CHODL: variants seen among roughly 807,000 people sequenced by gnomAD.
The protein encoded by CHODL is transmembrane protein MT75.
A neutral mutation model predicts 34.5 loss-of-function variants in CHODL; 29 were observed. That is an observed-to-expected ratio of 0.84 (90% CI 0.63 to 1.15). CHODL has a LOEUF of 1.15. Among genes scored for constraint, CHODL ranks in the 50% most tolerant of loss-of-function variants. The probability of loss-of-function intolerance (pLI) is 0.00; values close to 1 mark genes in which losing one functional copy is unlikely to be tolerated. For synonymous variants in CHODL, 125 were observed against 116.1 expected (o/e 1.08, Z -0.49); for missense variants, 332 against 332.5 (o/e 1.00, Z 0.01).
intron 2 of CHODL, among the ~76,000 whole-genome samples, chr21:18,191,945 TA>T (rs2073515481): frequency 6.6e-6 from 1 of 152,160 alleles, no homozygotes; most frequent in African/African-American, 2.4e-5. Context: ...GTTGAGTGTT[TA>T]AAAAAGGAAA....
At chr21:18,075,103 G>T (rs1457242163) in intron 2 of CHODL, among the ~76,000 whole-genome samples, 1 of 152,272 alleles carries the variant, frequency 6.6e-6, no homozygotes, top group East Asian at 1.9e-4. Context: ...TATATTCAGA[G>T]TCACTTCTAT....
chr21:18,059,682 T>C (rs868578416), intron 2 of CHODL, among the ~76,000 whole-genome samples: 5 of 152,124 alleles, frequency 3.3e-5, no homozygotes, highest in Middle Eastern at 3.4e-3. Flanking sequence ...TGTGAGTTGT[T>C]CCCCCTGACG....
intron 2 of CHODL, among the ~76,000 whole-genome samples, chr21:18,159,370 C>T (rs2073070481): frequency 6.6e-6 from 1 of 151,994 alleles, no homozygotes; most frequent in Admixed American, 6.6e-5. Context: ...CTATTTTGTT[C>T]CCCTCCACCA....
intron 2 of CHODL, among the ~76,000 whole-genome samples, chr21:18,083,716 A>G (rs951754501): frequency 3.3e-5 from 5 of 152,212 alleles, no homozygotes; most frequent in Non-Finnish European, 7.3e-5. Context: ...TTGGACTTGC[A>G]TGGGGCATGT....
chr21:18,141,484 A>G (rs1351122422), intron 2 of CHODL, among the ~76,000 whole-genome samples: 1 of 152,026 alleles, frequency 6.6e-6, no homozygotes, highest in African/African-American at 2.4e-5. Flanking sequence ...GAGACATAGT[A>G]TTATCATTAG....
chr21:18,009,022 T>C (rs193030118), intron 1 of CHODL, among the ~76,000 whole-genome samples: 55 of 152,338 alleles, frequency 3.6e-4, no homozygotes, highest in African/African-American at 1.3e-3. Context: ...CAAAGAATTC[T>C]GTGACAAGTA....
At chr21:18,238,845 A>G (rs1425491924) in intron 2 of CHODL, among the ~76,000 whole-genome samples, 1 of 152,190 alleles carries the variant, frequency 6.6e-6, no homozygotes, top group South Asian at 2.1e-4. Flanking sequence ...ATAAATATTT[A>G]AACATCAAAA....
intron 2 of CHODL, among the ~76,000 whole-genome samples, chr21:18,036,878 G>A (rs954051760): frequency 5.3e-5 from 8 of 151,796 alleles, no homozygotes; most frequent in African/African-American, 1.9e-4. Flanking sequence ...TACTATTTAT[G>A]GCAGCTTGAA....
At chr21:17,958,405 G>A (rs1441257548) in intron 1 of CHODL, among the ~76,000 whole-genome samples, 2 of 152,096 alleles carry the variant, frequency 1.3e-5, no homozygotes, top group Non-Finnish European at 2.9e-5. Flanking sequence ...GAAGTGGAAG[G>A]TTGCTTCCTA....
At chr21:17,975,831 C>T (rs1353327497) in intron 1 of CHODL, among the ~76,000 whole-genome samples, 1 of 152,040 alleles carries the variant, frequency 6.6e-6, no homozygotes, top group Non-Finnish European at 1.5e-5. Context: ...TATTGTCAGT[C>T]ATTAATAAAT....
rs572321753 is a variant in CHODL at position 18,151,512 on chromosome 21, G to A, written c.-44-104997G>A. Among the ~76,000 whole-genome samples, 16 of 152,254 alleles carry A rather than the reference G, an allele frequency of 1.1e-4. No individual in the cohort carries two copies. The South Asian group carries it at 3.1e-3, about 30-fold the overall frequency. ...TTGTAATATTCTTTACAGTAAACTG[G>A]TAAATGTGTTTCCCTGAGTTATGTG... On this transcript the variant is annotated intron_variant, in intron 2 of 6. Coordinates refer to the CHODL transcript ENST00000400127.
chr21:18,252,303 T>C (rs2074266925), intron 1 of CHODL, among the ~76,000 whole-genome samples: 1 of 152,156 alleles, frequency 6.6e-6, no homozygotes, highest in Non-Finnish European at 1.5e-5. Flanking sequence ...TATCTGAACA[T>C]AACATTTGAA....
At chr21:18,098,154 A>G (rs2065162931) in intron 2 of CHODL, among the ~76,000 whole-genome samples, 1 of 152,074 alleles carries the variant, frequency 6.6e-6, no homozygotes, top group African/African-American at 2.4e-5. Flanking sequence ...GTCTGGGCAA[A>G]AAATTATTGA....
intron 1 of CHODL, among the ~76,000 whole-genome samples, chr21:17,978,517 G>A (rs2063687184): frequency 1.3e-5 from 2 of 151,114 alleles, no homozygotes; most frequent in Admixed American, 1.3e-4. Flanking sequence ...AGGAGATCGA[G>A]ACGATCCTGG....
chr21:17,939,311 A>G (rs1425909847), intron 1 of CHODL, among the ~76,000 whole-genome samples: 1 of 152,196 alleles, frequency 6.6e-6, no homozygotes, highest in African/African-American at 2.4e-5. Context: ...GACACTGAAT[A>G]TAAGAAGAAT....
chr21:18,186,402 A>C, intron 2 of CHODL, among the ~76,000 whole-genome samples: 1 of 150,456 alleles, frequency 6.6e-6, no homozygotes, highest in Middle Eastern at 3.4e-3. Flanking sequence ...AAAGTTAAAA[A>C]AAAAAATTAA....
intron 2 of CHODL, among the ~76,000 whole-genome samples, chr21:18,212,997 G>A (rs2073789018): frequency 1.3e-5 from 2 of 152,082 alleles, no homozygotes; most frequent in South Asian, 2.1e-4. Context: ...ATTGCATTCA[G>A]CATTTAGGAA....
chr21:18,000,923 G>A (rs549575388), intron 1 of CHODL, among the ~76,000 whole-genome samples: 6 of 151,626 alleles, frequency 4.0e-5, no homozygotes, highest in African/African-American at 1.5e-4. Context: ...TGAACTTTCC[G>A]AAAAACAGAC....
intron 2 of CHODL, among the ~76,000 whole-genome samples, chr21:18,048,534 C>T (rs1235878967): frequency 3.3e-5 from 5 of 151,494 alleles, no homozygotes; most frequent in Non-Finnish European, 7.4e-5. Context: ...AATAATAAAG[C>T]TGAAAATATG....
Sources: gnomAD v4.1 joint callset for allele counts (sites outside exome capture counted in the v4.1 genomes callset) on GRCh38, gnomAD v4.1.1 for gene constraint, MANE v1.5 for transcripts, NCBI Gene and HGNC (gene_info 2026-07-23, HGNC 2026-07-21) for gene names.